The following ADAMTSL3 variants were observed in gnomAD, a reference collection of about 807,000 sequenced individuals.
ADAMTSL3 encodes the protein ADAMTS like 3.
In ADAMTSL3, 128 loss-of-function variants were observed where a neutral mutation model predicts 201.7. The observed-to-expected ratio is 0.63, with a 90% CI of 0.55 to 0.73. ADAMTSL3 has a LOEUF of 0.73. ADAMTSL3 is among the 30% of genes least tolerant of loss of function. The probability of loss-of-function intolerance (pLI) is 0.00; values close to 1 mark genes in which losing one functional copy is unlikely to be tolerated. For synonymous variants in ADAMTSL3, 738 were observed against 748.4 expected, an observed-to-expected ratio of 0.99 and a Z score of 0.23; for missense variants, 1,990 against 2,119.6, an observed-to-expected ratio of 0.94 and a Z score of 1.20.
intron 7 of ADAMTSL3, among the ~76,000 whole-genome samples, chr15:83,857,459 A>G (rs2064763170): frequency 6.6e-6 from 1 of 152,166 alleles, no homozygotes; most frequent in African/African-American, 2.4e-5. Flanking sequence ...TAGGTCATAT[A>G]GCTTCTTATC....
At chr15:83,706,613 A>G (rs1006420318) in intron 3 of ADAMTSL3, among the ~76,000 whole-genome samples, 2 of 152,114 alleles carry the variant, frequency 1.3e-5, no homozygotes, top group Admixed American at 6.5e-5. Flanking sequence ...TTAACCCACC[A>G]ACCAAATCCT....
At chr15:84,037,549 C>G (rs999498123) in intron 29 of ADAMTSL3, 151 bp from the exon 30 acceptor site, 2 of 817,942 alleles carry the variant, frequency 2.4e-6, no homozygotes, top group Non-Finnish European at 3.7e-6. Flanking sequence ...CAATGCACTT[C>G]TGACTCTCAT....
At chr15:83,899,975 G>T (rs1266717824) in intron 15 of ADAMTSL3, among the ~76,000 whole-genome samples, 2 of 152,156 alleles carry the variant, frequency 1.3e-5, no homozygotes, top group East Asian at 3.9e-4. Context: ...AGATCCAGTG[G>T]TCTGCTACAC....
intron 3 of ADAMTSL3, among the ~76,000 whole-genome samples, chr15:83,743,309 C>T (rs1050524997): frequency 2.6e-5 from 4 of 151,954 alleles, no homozygotes; most frequent in East Asian, 1.9e-4. Flanking sequence ...GTCAGGAGAT[C>T]GAGACCATCC....
chr15:83,875,715 G>A (rs1277437132), intron 9 of ADAMTSL3, among the ~76,000 whole-genome samples: 3 of 152,186 alleles, frequency 2.0e-5, no homozygotes, highest in Non-Finnish European at 2.9e-5. Context: ...CCCGGGAAGT[G>A]GAGGTTGCAG....
chr15:83,970,547 A>G lies in ADAMTSL3; in HGVS notation c.2554A>G (p.Lys852Glu). ...RKQVCQRLAA[K>E]GRRIPLSEMM... ...GCAGGTGTGTCAAAGGCTGGCAGCC[A>G]AAGGTCGGCGCATCCCCCTCAGTGA... The change falls in exon 20 of 30, where the codon AAA becomes GAA. Residue 852 changes from lysine (K) to glutamate (E), a missense_variant. By Grantham distance (56) the Lys-to-Glu change is moderately conservative. Transcript: ENST00000286744. The G allele has an allele frequency of 2.5e-6, 4 of 1,614,224 alleles. No individual in the cohort carries two copies. The highest frequency in any genetic ancestry group is 1.1e-5 in the South Asian group (1 of 91,084).
chr15:84,020,815 G>A (rs938240167), intron 25 of ADAMTSL3, among the ~76,000 whole-genome samples: 2 of 152,186 alleles, frequency 1.3e-5, no homozygotes, highest in Non-Finnish European at 2.9e-5. Context: ...TTCTACTCTT[G>A]TAAAGGAAAC....
intron 19 of ADAMTSL3, among the ~76,000 whole-genome samples, chr15:83,944,343 A>G (rs927933350): frequency 6.6e-6 from 1 of 152,174 alleles, no homozygotes; most frequent in African/African-American, 2.4e-5. Context: ...ACAGATTCCA[A>G]AACACATAAT....
intron 5 of ADAMTSL3, among the ~76,000 whole-genome samples, chr15:83,810,455 G>A (rs1412597142): frequency 1.3e-5 from 2 of 152,070 alleles, no homozygotes; most frequent in African/African-American, 4.8e-5. Context: ...CTTTTTCATG[G>A]GTGCATTAGT....
chr15:83,680,394 C>T (rs1252226259), intron 2 of ADAMTSL3, among the ~76,000 whole-genome samples: 1 of 151,850 alleles, frequency 6.6e-6, no homozygotes, highest in Non-Finnish European at 1.5e-5. Flanking sequence ...GCAAGGGGGA[C>T]ATGAGTATAC....
chr15:83,708,108 C>CAT (rs1162407743), intron 3 of ADAMTSL3, among the ~76,000 whole-genome samples: 1 of 152,114 alleles, frequency 6.6e-6, no homozygotes, highest in African/African-American at 2.4e-5. Context: ...GTGGAATCTC[C>CAT]ATATATATAT....
chr15:83,998,028 G>GAAA (rs746207651), intron 23 of ADAMTSL3, among the ~76,000 whole-genome samples: 3 of 130,702 alleles, frequency 2.3e-5, no homozygotes, highest in East Asian at 4.3e-4. Context: ...AATCTAGGAA[G>GAAA]AAAAAAAAAA....
intron 19 of ADAMTSL3, among the ~76,000 whole-genome samples, chr15:83,965,175 T>C (rs529207871): frequency 6.0e-4 from 91 of 152,238 alleles, no homozygotes; most frequent in African/African-American, 2.0e-3. Flanking sequence ...CATAACAATG[T>C]TAACATTAAA....
At chr15:83,856,789 T>C (rs1158424634) in intron 7 of ADAMTSL3, among the ~76,000 whole-genome samples, 1 of 152,210 alleles carries the variant, frequency 6.6e-6, no homozygotes, top group Non-Finnish European at 1.5e-5. Flanking sequence ...CCAATGTCTG[T>C]TTGTGTCCCT....
In ADAMTSL3 at chr15:83,903,441, A is replaced by G. The variant is rs563700013; in HGVS notation, c.1700+3710A>G. On this transcript the variant is annotated intron_variant, in intron 15 of 29. Coordinates refer to ENST00000286744, the MANE Select transcript of ADAMTSL3 (RefSeq NM_207517.3). ...CAGCAATAACTCCCTACTCCCTCCC[A>G]CTAGACTCTAGTAACCTCTATTCTA... 4.1e-4 allele frequency among the ~76,000 whole-genome samples: 62 copies of G among 151,848 alleles called. No homozygotes were observed. The South Asian group carries it at 0.012, about 30-fold the overall frequency.
intron 8 of ADAMTSL3, among the ~76,000 whole-genome samples, chr15:83,867,025 T>C (rs2064993674): frequency 6.6e-6 from 1 of 152,248 alleles, no homozygotes; most frequent in Non-Finnish European, 1.5e-5. Context: ...TACTAAGGAC[T>C]TAGTTAACAT....
chr15:83,930,413 G>A (rs2066334646), intron 17 of ADAMTSL3, among the ~76,000 whole-genome samples: 1 of 152,200 alleles, frequency 6.6e-6, no homozygotes, highest in Non-Finnish European at 1.5e-5. Flanking sequence ...AGTTTAGTCA[G>A]TGCTCTTCCA....
chr15:83,765,074 G>A (rs1331664995), intron 3 of ADAMTSL3, among the ~76,000 whole-genome samples: 8 of 152,144 alleles, frequency 5.3e-5, no homozygotes, highest in Non-Finnish European at 8.8e-5. Context: ...AGGGTAGAAT[G>A]GACTGAAGAA....
At chr15:83,905,781 T>G (rs997281495) in intron 15 of ADAMTSL3, among the ~76,000 whole-genome samples, 1 of 152,210 alleles carries the variant, frequency 6.6e-6, no homozygotes, top group Non-Finnish European at 1.5e-5. Flanking sequence ...GGATAAGCAT[T>G]TAATTTCTAC....
Sources: gnomAD v4.1 joint callset for allele counts (sites outside exome capture counted in the v4.1 genomes callset) on GRCh38, gnomAD v4.1.1 for gene constraint, MANE v1.5 for transcripts, NCBI Gene and HGNC (gene_info 2026-07-23, HGNC 2026-07-21) for gene names.